The following MACF1 variants were observed in gnomAD, a reference collection of about 807,000 sequenced individuals.
MACF1 encodes microtubule-actin cross-linking factor 1.
MACF1 carries 193 observed loss-of-function variants against 854.8 expected under a neutral mutation model. The ratio of observed to expected loss-of-function variants is 0.23; its 90% confidence interval spans 0.20 to 0.25. MACF1 has a LOEUF of 0.25. MACF1 is among the 10% of genes least tolerant of loss of function. The probability of loss-of-function intolerance (pLI) is 1.00; values close to 1 mark genes in which losing one functional copy is unlikely to be tolerated. For synonymous variants in MACF1, 3,185 were observed against 3,226.7 expected (o/e 0.99, Z 0.44); for missense variants, 7,722 against 8,929.1 (o/e 0.86, Z 5.45).
chr1:39,235,207 C>T (rs906253645), intron 2 of MACF1, among the ~76,000 whole-genome samples: 1 of 152,280 alleles, frequency 6.6e-6, no homozygotes, highest in African/African-American at 2.4e-5. Context: ...GCACTCCAGC[C>T]TGGGCACCAT....
At position 39,197,730 on chromosome 1, in the gene MACF1, A is replaced by T. The variant is rs945262657; in HGVS notation, c.221-33452A>T. The stretch of plus-strand genomic sequence containing the variant: ...TGAGACCCCATCTTCAAAAAAAATT[A>T]AAAAATTATAGCCAGCATGGTGATG... On this transcript the variant is annotated intron_variant, in intron 2 of 93. Transcript: ENST00000361689. 3.9e-5 allele frequency among the ~76,000 whole-genome samples: 6 copies of T among 152,014 alleles called. No individual in the cohort carries two copies. The South Asian group carries it at 8.3e-4, about 21-fold the overall frequency.
Position 39,285,464 on chromosome 1 carries a change from A to G in MACF1, c.1353+74A>G, listed in dbSNP as rs1645624101. The G allele has an allele frequency of 3.8e-6, 6 of 1,567,212 alleles. No homozygotes were observed. In the Admixed American group the frequency reaches 1.0e-4, roughly 27 times the overall value. ...TTCTCACCCTCTGCTCTAATTGTTGAAGTTAGCAATCGAGGAATCCAGATG... is the reference window on the plus strand; with the variant it reads ...TTCTCACCCTCTGCTCTAATTGTTGGAGTTAGCAATCGAGGAATCCAGATG... On this transcript the variant is annotated intron_variant, in intron 13 of 100. Coordinates refer to ENST00000564288, the MANE Select transcript of MACF1 (RefSeq NM_001394062.1).
chr1:39,277,104 A>AACATAC (rs1361367217), intron 6 of MACF1, among the ~76,000 whole-genome samples: 1 of 152,016 alleles, frequency 6.6e-6, no homozygotes, highest in African/African-American at 2.4e-5. Flanking sequence ...TTGCATATGA[A>AACATAC]ACATACACAT....
chr1:39,394,295 C>T (rs1642188437), intron 58 of MACF1, among the ~76,000 whole-genome samples: 1 of 152,118 alleles, frequency 6.6e-6, no homozygotes, highest in African/African-American at 2.4e-5. Flanking sequence ...ACATAGAAAG[C>T]AAGCTTAGGC....
At chr1:39,284,498 G>GAT in intron 11 of MACF1, 70 bp downstream of exon 11, 1 of 987,814 alleles carries the variant, frequency 1.0e-6, no homozygotes, top group South Asian at 2.1e-5. Flanking sequence ...CTTGATTATA[G>GAT]ATTCCTTGTA....
intron 58 of MACF1, chr1:39,412,416 G>T: frequency 6.2e-7 from 1 of 1,614,042 alleles, no homozygotes; most frequent in Non-Finnish European, 8.5e-7. Context: ...TTTGTGATGA[G>T]GATGGTGAGG....
intron 2 of MACF1, among the ~76,000 whole-genome samples, chr1:39,190,069 C>CTA (rs1644230905): frequency 6.6e-6 from 1 of 152,088 alleles, no homozygotes; most frequent in South Asian, 2.1e-4. Flanking sequence ...AGAACTGGAC[C>CTA]TATAATCGTC....
intron 29 of MACF1, among the ~76,000 whole-genome samples, chr1:39,317,800 C>T (rs1308038083): frequency 6.6e-6 from 1 of 152,196 alleles, no homozygotes; most frequent in African/African-American, 2.4e-5. Context: ...ATCTCATTTG[C>T]TAATTCAGTA....
At chr1:39,091,040 G>A (rs1485665168) in intron 2 of MACF1, among the ~76,000 whole-genome samples, 1 of 152,168 alleles carries the variant, frequency 6.6e-6, no homozygotes, top group East Asian at 1.9e-4. Context: ...GTCCCTTGCT[G>A]GAATCTCTGC....
chr1:39,475,852 A>C (rs1644870552), intron 97 of MACF1, among the ~76,000 whole-genome samples: 1 of 152,174 alleles, frequency 6.6e-6, no homozygotes, highest in South Asian at 2.1e-4. Context: ...GGATGAGCTC[A>C]TCACCAGGTC....
At chr1:39,203,578 C>A (rs1001418257), upstream of MACF1, among the ~76,000 whole-genome samples, 1 of 152,212 alleles carries the variant, frequency 6.6e-6, no homozygotes, top group Non-Finnish European at 1.5e-5. Context: ...ACATTTCCAT[C>A]CTCTTACAGT....
chr1:39,444,374 A>T (rs1414816945), intron 79 of MACF1, among the ~76,000 whole-genome samples: 1 of 152,174 alleles, frequency 6.6e-6, no homozygotes, highest in Non-Finnish European at 1.5e-5. Flanking sequence ...TGATAAAATT[A>T]TTTTAATATT....
intron 30 of MACF1, 113 bp downstream of exon 30, chr1:39,318,728 T>G (rs1005814241): frequency 5.0e-5 from 58 of 1,169,948 alleles, no homozygotes; most frequent in Non-Finnish European, 6.1e-5. Context: ...GATATCCAAA[T>G]TCCCTTTTCT....
At chr1:39,326,326 G>A (rs910347856) in intron 35 of MACF1, among the ~76,000 whole-genome samples, 29 of 152,272 alleles carry the variant, frequency 1.9e-4, no homozygotes, top group African/African-American at 7.0e-4. Flanking sequence ...GGAAAGGAAT[G>A]GACTTGGTGA....
At chr1:39,211,366 A>G (rs561913135) in intron 1 of MACF1, among the ~76,000 whole-genome samples, 1 of 152,292 alleles carries the variant, frequency 6.6e-6, no homozygotes, top group Non-Finnish European at 1.5e-5. Flanking sequence ...CATTGAAGAC[A>G]TAGTGCTTTC....
At chr1:39,147,589 A>G (rs1272927291) in intron 2 of MACF1, among the ~76,000 whole-genome samples, 2 of 150,866 alleles carry the variant, frequency 1.3e-5, no homozygotes, top group Non-Finnish European at 2.9e-5. Flanking sequence ...GCACAATCAT[A>G]GCTCACTGCA....
At chr1:39,314,569 TCACACA>T (rs58459573) in intron 26 of MACF1, among the ~76,000 whole-genome samples, 3,690 of 65,162 alleles carry the variant, frequency 0.057, 124 homozygotes, top group African/African-American at 0.14. Flanking sequence ...TCTCTCTCTC[TCACACA>T]CACACACACA....
In MACF1 at chr1:39,336,532, C is replaced by T; in HGVS notation, c.9944C>T (p.Thr3315Ile). 6.2e-7 allele frequency: 1 copy of T among 1,614,116 alleles called. No individual in the cohort carries two copies. The highest frequency in any genetic ancestry group is 2.2e-5 in the East Asian group (1 of 44,868). ...CTAACAGTATGCTCTGCAGTGAAGA[C>T]AGAGAAGACACCACAGGAAAAGCTC... Reference protein sequence around the residue: ...VSLTVCSAVKTEKTPQEKLRE... With the variant: ...VSLTVCSAVKIEKTPQEKLRE... The change falls in exon 37 of 101, where the codon ACA becomes ATA. Residue 3315 changes from threonine to isoleucine, a missense_variant. This residue lies in a region of MACF1 where 854 missense variants were observed against 852.6 expected (regional missense o/e 1.00). Transcript: ENST00000564288.
intron 2 of MACF1, among the ~76,000 whole-genome samples, chr1:39,234,309 C>A (rs1256829929): frequency 6.6e-6 from 1 of 152,018 alleles, no homozygotes; most frequent in Non-Finnish European, 1.5e-5. Flanking sequence ...GTTGGGCACA[C>A]CTCCCAGACG....
Sources: allele counts gnomAD v4.1 joint callset (sites outside exome capture counted in the v4.1 genomes callset), GRCh38; gene constraint gnomAD v4.1.1; regional missense constraint gnomAD v4.1.1; transcripts MANE v1.5; gene names NCBI Gene and HGNC (gene_info 2026-07-23, HGNC 2026-07-21).